The following HECW2 variants were observed in gnomAD, a reference collection of about 807,000 sequenced individuals.
HECW2 encodes E3 ubiquitin-protein ligase HECW2.
In HECW2, 61 loss-of-function variants were observed where a neutral mutation model predicts 175.2. That is an observed-to-expected ratio of 0.35 (90% confidence interval 0.28 to 0.43). The LOEUF (loss-of-function observed/expected upper bound fraction) is 0.43, where lower values mean the gene tolerates loss of function less well. HECW2 is among the 20% of genes least tolerant of loss of function. The pLI is 1.00. For synonymous variants in HECW2, 671 were observed against 731.0 expected (o/e 0.92, Z 1.32); for missense variants, 1,524 against 2,000.5 (o/e 0.76, Z 4.54).
intron 2 of HECW2, among the ~76,000 whole-genome samples, chr2:196,417,846 C>A (rs989498945): frequency 1.3e-5 from 2 of 152,152 alleles, no homozygotes; most frequent in African/African-American, 2.4e-5. Context: ...TCGCTGAATT[C>A]TTAAAGCTTT....
At position 196,443,092 on chromosome 2, in the gene HECW2, A is replaced by G. The variant is rs554147056; in HGVS notation, c.-35-9634T>C. Reference sequence around the variant, plus strand: ...CCACCTAAACATCCGTCCTTTCTCCATGATGTTGCTCAGGACTGACTGGTA... The same window carrying G: ...CCACCTAAACATCCGTCCTTTCTCCGTGATGTTGCTCAGGACTGACTGGTA... On this transcript the variant is annotated intron_variant, in intron 1 of 28. Transcript: ENST00000644978. 7.9e-5 allele frequency among the ~76,000 whole-genome samples: 12 copies of G among 152,322 alleles called. No individual in the cohort carries two copies. In the South Asian group the frequency reaches 2.5e-3, roughly 32 times the overall value.
chr2:196,571,266 A>G (rs1416542263), intron 1 of HECW2, among the ~76,000 whole-genome samples: 1 of 152,182 alleles, frequency 6.6e-6, no homozygotes, highest in Non-Finnish European at 1.5e-5. Context: ...AATTGTTTAA[A>G]CTTTATCACT....
At chr2:196,513,955 G>A (rs1300682823) in intron 1 of HECW2, among the ~76,000 whole-genome samples, 1 of 152,230 alleles carries the variant, frequency 6.6e-6, no homozygotes, top group South Asian at 2.1e-4. Flanking sequence ...TGGCAGTGGG[G>A]GAGGCGCTGC....
At chr2:196,364,201 C>G (rs753350851) in intron 2 of HECW2, among the ~76,000 whole-genome samples, 2 of 152,224 alleles carry the variant, frequency 1.3e-5, no homozygotes, top group Non-Finnish European at 2.9e-5. Context: ...TTTACCTGCG[C>G]TCTAGGTTCT....
intron 2 of HECW2, among the ~76,000 whole-genome samples, chr2:196,360,671 G>T (rs1693557016): frequency 6.6e-6 from 1 of 152,056 alleles, no homozygotes; most frequent in Non-Finnish European, 1.5e-5. Flanking sequence ...TAACAAACCT[G>T]CATATGTACC....
At chr2:196,273,358 C>G (rs1287111336) in intron 16 of HECW2, among the ~76,000 whole-genome samples, 3 of 152,100 alleles carry the variant, frequency 2.0e-5, no homozygotes, top group Non-Finnish European at 4.4e-5. Flanking sequence ...TGAGCCACTG[C>G]GCCCAGCCAA....
intron 1 of HECW2, among the ~76,000 whole-genome samples, chr2:196,587,402 C>A (rs1447873234): frequency 1.3e-5 from 2 of 152,208 alleles, no homozygotes; most frequent in Non-Finnish European, 2.9e-5. Flanking sequence ...TTTTCAATTT[C>A]AGCTACTGTT....
intron 13 of HECW2, among the ~76,000 whole-genome samples, chr2:196,299,114 C>T (rs1690929732): frequency 6.6e-6 from 1 of 152,050 alleles, no homozygotes; most frequent in Non-Finnish European, 1.5e-5. Flanking sequence ...ACTTCCTAAA[C>T]CCACAGAATT....
chr2:196,565,766 ATT>A (rs1690165729), intron 1 of HECW2, among the ~76,000 whole-genome samples: 1 of 152,218 alleles, frequency 6.6e-6, no homozygotes, highest in East Asian at 1.9e-4. Context: ...AAAAATAATA[ATT>A]GTCTATAAAA....
intron 2 of HECW2, 99 bp from the exon 3 acceptor site, chr2:196,343,863 A>G: frequency 1.3e-6 from 1 of 796,646 alleles, no homozygotes; most frequent in Non-Finnish European, 2.1e-6. Flanking sequence ...AAAAAGATAA[A>G]TGAGAAAATA....
intron 1 of HECW2, among the ~76,000 whole-genome samples, chr2:196,561,593 T>C (rs1690003629): frequency 6.6e-6 from 1 of 152,210 alleles, no homozygotes. Context: ...ACATGTGATG[T>C]CTCCCCCGGC....
intron 17 of HECW2, among the ~76,000 whole-genome samples, chr2:196,258,594 C>T (rs13422185): frequency 0.25 from 37,836 of 151,956 alleles, 7,712 homozygotes; most frequent in African/African-American, 0.55. Context: ...GTGATACCAG[C>T]TTTTTTCTTT....
chr2:196,472,441 T>C (rs1697244010), intron 1 of HECW2, among the ~76,000 whole-genome samples: 1 of 143,492 alleles, frequency 7.0e-6, no homozygotes, highest in Non-Finnish European at 1.5e-5. Context: ...TGGGCTGAGA[T>C]TGCACCACTG....
intron 1 of HECW2, among the ~76,000 whole-genome samples, chr2:196,527,361 G>A (rs1016277463): frequency 2.0e-5 from 3 of 152,220 alleles, no homozygotes; most frequent in Admixed American, 6.5e-5. Context: ...GCACCCACTG[G>A]CCTGCGCCCA....
rs33989452 is a variant in HECW2, at chr2:196,376,635, T to TAAAAA, written c.293-32876_293-32872dup. On this transcript the variant is annotated intron_variant, in intron 2 of 28. Coordinates refer to ENST00000644978, the MANE Select transcript of HECW2 (RefSeq NM_001348768.2). ...TGGGCAACAGAGCAAGACTCTGTCA[T>TAAAAA]AAAAAAAAAAAAAAGGGCCGGGCAT... Among the ~76,000 whole-genome samples, 20 of 133,132 alleles carry TAAAAA rather than the reference T, an allele frequency of 1.5e-4. 1 individual carries two copies. The highest frequency in any genetic ancestry group is 5.2e-4 in the African/African-American group (17 of 32,630). The allele number at this position is 133,132 out of a possible 152,430, so 87.3% of individuals were successfully genotyped here.
chr2:196,460,912 A>G (rs569955257), intron 1 of HECW2, among the ~76,000 whole-genome samples: 1 of 150,508 alleles, frequency 6.6e-6, no homozygotes, highest in South Asian at 2.1e-4. Flanking sequence ...GGTGTGAGCC[A>G]CCATCTCCAG....
In HECW2 at chr2:196,257,814, C is replaced by T. The variant is rs1322229110; in HGVS notation, c.3419+9G>A. ...CCTTCTGCTTCAAGAGTGAGTGTTACGTATGTACCTCAGCAACATAACAAG... is the reference window on the plus strand; with the variant it reads ...CCTTCTGCTTCAAGAGTGAGTGTTATGTATGTACCTCAGCAACATAACAAG... On this transcript the variant is annotated intron_variant, in intron 18 of 28. Transcript: ENST00000644978. The T allele has an allele frequency of 2.3e-5, 37 of 1,597,124 alleles. No individual in the cohort carries two copies. Among genetic ancestry groups the T allele is most frequent in the Admixed American group, 3.3e-5 (2 of 59,830 alleles).
chr2:196,357,253 C>T (rs571854070), intron 2 of HECW2, among the ~76,000 whole-genome samples: 12 of 147,520 alleles, frequency 8.1e-5, no homozygotes, highest in African/African-American at 3.0e-4. Flanking sequence ...ATAGCCGATA[C>T]AAATATCCAC....
At chr2:196,372,512 T>C (rs1693936078) in intron 2 of HECW2, among the ~76,000 whole-genome samples, 1 of 152,196 alleles carries the variant, frequency 6.6e-6, no homozygotes, top group Non-Finnish European at 1.5e-5. Flanking sequence ...ATGGTGTTTA[T>C]AAAAGGTGTA....
Sources: gnomAD v4.1 joint callset for allele counts (sites outside exome capture counted in the v4.1 genomes callset) on GRCh38, gnomAD v4.1.1 for gene constraint, MANE v1.5 for transcripts, NCBI Gene and HGNC (gene_info 2026-07-23, HGNC 2026-07-21) for gene names.